Variants in ZSCAN10 observed in about 807,000 individuals in gnomAD.
ZSCAN10 encodes zinc finger and SCAN domain-containing protein 10.
Under a neutral mutation model 63.7 loss-of-function variants are expected in ZSCAN10, and 52 were observed. That is an observed-to-expected ratio of 0.82 (90% CI 0.65 to 1.03). The LOEUF (loss-of-function observed/expected upper bound fraction) is 1.03, where lower values mean the gene tolerates loss of function less well. ZSCAN10 is among the 50% of genes least tolerant of loss of function. The probability of loss-of-function intolerance (pLI) is 0.00; values close to 1 mark genes in which losing one functional copy is unlikely to be tolerated. For synonymous variants in ZSCAN10, 544 were observed against 479.6 expected, an observed-to-expected ratio of 1.13 and a Z score of -1.76; for missense variants, 1,223 against 1,103.8, an observed-to-expected ratio of 1.11 and a Z score of -1.53.
At chr16:3,097,332 G>GT (rs1305083585) in intron 1 of ZSCAN10, among the ~76,000 whole-genome samples, 2 of 152,032 alleles carry the variant, frequency 1.3e-5, no homozygotes, top group Admixed American at 1.3e-4. Flanking sequence ...GCAACACACA[G>GT]TATCTTCCAA....
At chr16:3,094,648 T>C (rs976222915) in intron 1 of ZSCAN10, among the ~76,000 whole-genome samples, 6 of 152,056 alleles carry the variant, frequency 3.9e-5, no homozygotes, top group African/African-American at 1.2e-4. Flanking sequence ...CCCGACCTAA[T>C]GGTGGCCTTT....
At chr16:3,095,923 G>A (rs1392853611) in intron 1 of ZSCAN10, among the ~76,000 whole-genome samples, 1 of 152,002 alleles carries the variant, frequency 6.6e-6, no homozygotes, top group Non-Finnish European at 1.5e-5. Flanking sequence ...TTGATCCCAG[G>A]AGGTTGAGGC....
In ZSCAN10 at chr16:3,090,002, A is replaced by T. The variant is rs1236942570; in HGVS notation, c.1432T>A (p.Cys478Ser). Residue 478 changes from cysteine (C) to serine (S), a missense_variant, in exon 6 of 6, where the codon TGC becomes AGC. Coordinates refer to ENST00000576985, the MANE Select transcript of ZSCAN10 (RefSeq NM_032805.3). ...AEAPPLTDVL[C>S]SHCGQSFQRR... The stretch of plus-strand genomic sequence containing the variant: ...TGGAAGCTCTGGCCGCAGTGGGAGC[A>T]CAGGACATCGGTCAGTGGCGGCGCT... 6.4e-7 allele frequency: 1 copy of T among 1,564,070 alleles called. No individual in the cohort carries two copies. The highest frequency in any genetic ancestry group is 8.6e-7 in the Non-Finnish European group (1 of 1,157,928).
chr16:3,089,472 G>A lies in ZSCAN10; in HGVS notation c.1962C>T (p.Arg654=), dbSNP rs780484838. ...CGTGGGGCTTCTCCCCTGTGTGGAT[G>A]CGCTGGTGGCGCGCCAGGTGGGCGC... is the stretch of plus-strand genomic sequence containing the variant. ...SQSAHLARHQ[R]IHTGEKPHAC... Residue 654 remains arginine, a synonymous_variant, in exon 6 of 6, where the codon CGC becomes CGT. Coordinates refer to ENST00000576985, the MANE Select transcript of ZSCAN10 (RefSeq NM_032805.3). 2 of 1,602,866 alleles carry A rather than the reference G, an allele frequency of 1.2e-6. No individual in the cohort carries two copies. Among genetic ancestry groups the A allele is most frequent in the African/African-American group, 2.7e-5 (2 of 74,134 alleles).
rs147426815 is a variant in ZSCAN10, at chr16:3,096,029, A to G, written c.-67-3025T>C. Among the ~76,000 whole-genome samples the G allele has an allele frequency of 9.6e-4, 146 of 152,202 alleles. 2 individuals carry two copies. Among genetic ancestry groups the G allele is most frequent in the African/African-American group, 3.4e-3 (141 of 41,520 alleles). ...ATAAAAAATATAAAATAAGTCATCT[A>G]TAGCCACCAGGAGGCACTGACATCC... On this transcript the variant is annotated intron_variant, in intron 1 of 5. Transcript: ENST00000576985.
chr16:3,091,908 G>T, intron 3 of ZSCAN10, 80 bp from the exon 4 acceptor site: 1 of 1,593,450 alleles, frequency 6.3e-7, no homozygotes, highest in Admixed American at 1.7e-5. Context: ...GACACACACC[G>T]CATCATCCGG....
rs771201566 is a variant in ZSCAN10, at chr16:3,090,526, G to A, written c.908C>T (p.Pro303Leu). Residue 303 changes from proline (P) to leucine (L), a missense_variant, in exon 6 of 6, where the codon CCT (proline) becomes CTT (leucine). By Grantham distance (98) the Pro-to-Leu change is moderately conservative (BLOSUM62 -3). Coordinates refer to ENST00000576985, the MANE Select transcript of ZSCAN10 (RefSeq NM_032805.3). Reference sequence around the variant, plus strand: ...GCCCCGTCCGAGCGACTGGGCGCAAGGCTCTCCCGGCACCCCAGGACTATC... The same window carrying A: ...GCCCCGTCCGAGCGACTGGGCGCAAAGCTCTCCCGGCACCCCAGGACTATC... ...QADSPGVPGE[P>L]CAQSLGRGAA... 1.6e-5 allele frequency: 25 copies of A among 1,612,702 alleles called. No individual in the cohort carries two copies. Among genetic ancestry groups the A allele is most frequent in the African/African-American group, 2.7e-5 (2 of 74,928 alleles).
rs1179454136 is a variant in ZSCAN10, at chr16:3,092,771, A to G, written c.167T>C (p.Met56Thr). ...CCGGCTCAGGGACGCCCGTGGCCCCATGTCCTCCTGATACTGGAAGCATCT... is the reference window on the plus strand; with the variant it reads ...CCGGCTCAGGGACGCCCGTGGCCCCGTGTCCTCCTGATACTGGAAGCATCT... ...LFRCFQYQEDMGPRASLSRLR... is the reference protein window; with the variant it reads ...LFRCFQYQEDTGPRASLSRLR... The change falls in exon 2 of 6, where the codon ATG becomes ACG. Residue 56 changes from methionine (M) to threonine (T), a missense_variant. Transcript: ENST00000576985. 3.1e-6 allele frequency: 5 copies of G among 1,602,334 alleles called. No homozygotes were observed. In the African/African-American group the frequency reaches 4.0e-5, roughly 13 times the overall value.
Position 3,089,638 on chromosome 16 carries a change from G to A in ZSCAN10, c.1796C>T (p.Thr599Ile), listed in dbSNP as rs1373393850. The part of the protein sequence containing the change: ...RRASLARHLL[T>I]HGGPRPHHCT... The stretch of plus-strand genomic sequence containing the variant: ...GTGGTGGGGCCGAGGGCCACCGTGG[G>A]TCAGCAGGTGGCGGGCAAGGCTGGC... The change falls in exon 6 of 6, where the codon ACC (threonine) becomes ATC (isoleucine). Residue 599 changes from threonine to isoleucine, a missense_variant. Physicochemically the swap from Thr to Ile is moderately conservative, Grantham distance 89. Transcript: ENST00000576985. The A allele has an allele frequency of 3.8e-6, 6 of 1,589,050 alleles. No homozygotes were observed. The highest frequency in any genetic ancestry group is 4.3e-6 in the Non-Finnish European group (5 of 1,167,786).
chr16:3,088,980 G>C lies in ZSCAN10; in HGVS notation c.*111C>G, dbSNP rs1957021896. On this transcript the variant is annotated 3_prime_UTR_variant, in exon 6 of 6. Coordinates refer to ENST00000576985, the MANE Select transcript of ZSCAN10 (RefSeq NM_032805.3). ...CGGCCAGGGAAGGACAGCTGTGAAA[G>C]TGGAAGGAGAGGGAAGTGGGGTGTG... 7.3e-7 allele frequency: 1 copy of C among 1,378,386 alleles called. No individual in the cohort carries two copies. The highest frequency in any genetic ancestry group is 2.7e-4 in the Middle Eastern group (1 of 3,720). The allele number at this position is 1,378,386 out of a possible 1,614,324, so 85.4% of individuals were successfully genotyped here.
chr16:3,092,078 TG>T lies in ZSCAN10; in HGVS notation c.634del (p.Gln212ArgfsTer35). On this transcript the variant is annotated frameshift_variant, in exon 3 of 6. Coordinates refer to ENST00000576985, the MANE Select transcript of ZSCAN10 (RefSeq NM_032805.3). LOFTEE classifies it high-confidence loss of function. ...SSKQPLSPGP[Q>X]KTFQALQESS... ...TTCTTGCAGGGCCTGGAATGTCTTCTGGGGCCCCGGGCTCAGCGGCTGCTTT... is the reference window on the plus strand; with the variant it reads ...TTCTTGCAGGGCCTGGAATGTCTTCTGGGCCCCGGGCTCAGCGGCTGCTTT... 6.3e-7 allele frequency: 1 copy of T among 1,582,962 alleles called. No homozygotes were observed. The highest frequency in any genetic ancestry group is 1.2e-5 in the South Asian group (1 of 86,844).
Position 3,092,803 on chromosome 16 carries a change from C to A in ZSCAN10, c.135G>T (p.Gln45His). The change falls in exon 2 of 6, where the codon CAG becomes CAT. Residue 45 changes from glutamine (Q) to histidine (H), a missense_variant. Transcript: ENST00000576985. ...ESRLRPEVAH[Q>H]LFRCFQYQED... Reference sequence around the variant, plus strand: ...CCTGATACTGGAAGCATCTGAACAGCTGGTGAGCCACCTCGGGCCTCAGCC... The same window carrying A: ...CCTGATACTGGAAGCATCTGAACAGATGGTGAGCCACCTCGGGCCTCAGCC... 6.4e-7 allele frequency: 1 copy of A among 1,557,604 alleles called. No homozygotes were observed. Among genetic ancestry groups the A allele is most frequent in the South Asian group, 1.2e-5 (1 of 85,230 alleles).
intron 1 of ZSCAN10, among the ~76,000 whole-genome samples, chr16:3,095,871 C>A (rs924975022): frequency 2.0e-5 from 3 of 151,886 alleles, no homozygotes; most frequent in African/African-American, 7.3e-5. Flanking sequence ...TTGTGTATAC[C>A]TGTGGTCCTA....
chr16:3,095,280 G>A (rs997556154), intron 1 of ZSCAN10, among the ~76,000 whole-genome samples: 1 of 152,150 alleles, frequency 6.6e-6, no homozygotes, highest in Non-Finnish European at 1.5e-5. Flanking sequence ...CACTTTGGGA[G>A]GCTGACGCAG....
At chr16:3,094,735 A>C (rs185856626) in intron 1 of ZSCAN10, among the ~76,000 whole-genome samples, 3 of 152,156 alleles carry the variant, frequency 2.0e-5, no homozygotes, top group Admixed American at 1.3e-4. Context: ...AATTGGCCTG[A>C]GTTACTCAGT....
At position 3,090,461 on chromosome 16, in the gene ZSCAN10, CAAG is replaced by C. The variant is rs1957057668; in HGVS notation, c.970_972del (p.Leu324del). 1.2e-6 allele frequency: 2 copies of C among 1,613,696 alleles called. No homozygotes were observed. The highest frequency in any genetic ancestry group is 1.7e-5 in the Admixed American group (1 of 60,000). On this transcript the variant is annotated inframe_deletion, in exon 6 of 6. Transcript: ENST00000576985. ...TTGACCTCCAAAATTTCACTGCTGCCAAGAAGGGACCCATCTTCACCAGGGCCG... is the reference window on the plus strand; with the variant it reads ...TTGACCTCCAAAATTTCACTGCTGCCAAGGGACCCATCTTCACCAGGGCCG...
chr16:3,098,090 GA>G lies in ZSCAN10; in HGVS notation c.-68+1099del, dbSNP rs890766652. 1.6e-4 allele frequency among the ~76,000 whole-genome samples: 21 copies of G among 132,842 alleles called. 1 individual carries two copies. The highest frequency in any genetic ancestry group is 3.7e-4 in the Admixed American group (5 of 13,540). 87.1% of individuals were successfully genotyped at this position (132,842 alleles called of 152,430 possible). ...AAGAAAGAAAGAAAAGAAAAGAAAA[GA>G]AAAAAAAAGAGTGGGGGAGGGGGAA... is the stretch of plus-strand genomic sequence containing the variant. On this transcript the variant is annotated intron_variant, in intron 1 of 5. Transcript: ENST00000576985.
rs1418569197 is a variant in ZSCAN10, at chr16:3,089,749, C to G, written c.1685G>C (p.Ser562Thr). Residue 562 changes from serine to threonine, a missense_variant, in exon 6 of 6, where the codon AGC (serine) becomes ACC (threonine). Physicochemically the swap from Ser to Thr is moderately conservative, Grantham distance 58. Transcript: ENST00000576985. ...CCGTTGGTGGCTGACCAGCTGCGAG[C>G]TCTGCGTGAAGCTGCGGCCGCAAGC... ...CQACGRSFTQ[S>T]SQLVSHQRVH... 5 of 1,600,480 alleles carry G rather than the reference C, an allele frequency of 3.1e-6. No individual in the cohort carries two copies. Among genetic ancestry groups the G allele is most frequent in the Non-Finnish European group, 4.2e-6 (5 of 1,178,834 alleles).
intron 2 of ZSCAN10, 88 bp downstream of exon 2, chr16:3,092,454 G>T: frequency 6.8e-7 from 1 of 1,469,154 alleles, no homozygotes; most frequent in Non-Finnish European, 9.0e-7. Flanking sequence ...GTCAGGTGGG[G>T]GAAAGTGAAG....
Sources: allele counts gnomAD v4.1 joint callset (sites outside exome capture counted in the v4.1 genomes callset), GRCh38; gene constraint gnomAD v4.1.1; transcripts MANE v1.5; gene names NCBI Gene and HGNC (gene_info 2026-07-23, HGNC 2026-07-21).